Variants in FTO observed in about 807,000 individuals in gnomAD.
FTO encodes FTO alpha-ketoglutarate dependent dioxygenase.
A neutral mutation model predicts 63.9 loss-of-function variants in FTO; 47 were observed. The ratio of observed to expected loss-of-function variants is 0.74; its 90% CI spans 0.58 to 0.94. The LOEUF (loss-of-function observed/expected upper bound fraction) is 0.94, where lower values mean the gene tolerates loss of function less well. Ranked by LOEUF, FTO falls within the 40% of genes least tolerant of loss-of-function variation. The pLI is 0.00. For synonymous variants in FTO, 207 were observed against 224.4 expected, an observed-to-expected ratio of 0.92 and a Z score of 0.69; for missense variants, 562 against 618.1, an observed-to-expected ratio of 0.91 and a Z score of 0.96.
chr16:53,838,796 G>A (rs62033437), intron 3 of FTO, among the ~76,000 whole-genome samples: 34,977 of 151,808 alleles, frequency 0.23, 4,251 homozygotes, highest in Middle Eastern at 0.31. Context: ...CCAAGATCAC[G>A]ACACTGCACT....
Position 53,834,047 on chromosome 16 carries a change from C to T in FTO, c.751+7556C>T, listed in dbSNP as rs762053448. Among the ~76,000 whole-genome samples, 12 of 151,188 alleles carry T rather than the reference C, an allele frequency of 7.9e-5. No individual in the cohort carries two copies. In the South Asian group the frequency reaches 1.0e-3, roughly 13 times the overall value. On this transcript the variant is annotated intron_variant, in intron 3 of 8. Transcript: ENST00000471389. ...CTTTTTTTTTTTATTTTTTTTGAGA[C>T]GGAGTCTCGGTCTGTCACCCAGGCT...
chr16:53,909,963 G>A (rs1032557142), intron 7 of FTO, among the ~76,000 whole-genome samples: 18 of 152,028 alleles, frequency 1.2e-4, no homozygotes, highest in African/African-American at 3.9e-4. Flanking sequence ...CTGCAGCCTC[G>A]AACTCCTGGG....
chr16:54,034,211 T>G (rs2084893943), intron 8 of FTO: 1 of 152,226 alleles, frequency 6.6e-6, no homozygotes, highest in Non-Finnish European at 1.5e-5. Context: ...AACATTGATT[T>G]TCCTTTCTCT....
intron 1 of FTO, among the ~76,000 whole-genome samples, chr16:53,727,070 T>TTCTC (rs2076172304): frequency 6.6e-6 from 1 of 152,232 alleles, no homozygotes; most frequent in South Asian, 2.1e-4. Flanking sequence ...CTTTCTTTCT[T>TTCTC]TCTCTCTTTC....
intron 8 of FTO, among the ~76,000 whole-genome samples, chr16:54,093,525 G>A (rs1245137437): frequency 6.6e-6 from 1 of 152,146 alleles, no homozygotes; most frequent in Non-Finnish European, 1.5e-5. Context: ...CCGAGCTCTG[G>A]CCCAGTCCCA....
rs571529816 is a variant in FTO at position 53,938,860 on chromosome 16, C to T, written c.1364+4751C>T. Among the ~76,000 whole-genome samples the T allele has an allele frequency of 1.0e-3, 154 of 151,800 alleles. 1 individual carries two copies. The highest frequency in any genetic ancestry group is 3.4e-3 in the Middle Eastern group (1 of 292). ...ATCCCAGCACTTTGGGAGGCCTAGA[C>T]GGGCGGATCATGAGGTCAGGAGATG... On this transcript the variant is annotated intron_variant, in intron 8 of 8. Transcript: ENST00000471389.
At chr16:53,777,790 G>T (rs544319055) in intron 1 of FTO, among the ~76,000 whole-genome samples, 2 of 152,284 alleles carry the variant, frequency 1.3e-5, no homozygotes, top group East Asian at 3.9e-4. Context: ...AGCAAATATG[G>T]TCAGTTGTTT....
At chr16:53,839,116 C>T (rs1334286987) in intron 3 of FTO, among the ~76,000 whole-genome samples, 2 of 152,106 alleles carry the variant, frequency 1.3e-5, no homozygotes, top group African/African-American at 4.8e-5. Flanking sequence ...TGGCATAAAA[C>T]ATTGAATGGG....
chr16:54,048,176 A>C (rs1013082001), intron 8 of FTO, among the ~76,000 whole-genome samples: 10 of 148,150 alleles, frequency 6.7e-5, no homozygotes, highest in Non-Finnish European at 1.3e-4. Flanking sequence ...AAGGTCTAAT[A>C]AACTTCAGGT....
At chr16:53,736,313 C>A (rs1446965558) in intron 1 of FTO, among the ~76,000 whole-genome samples, 2 of 151,838 alleles carry the variant, frequency 1.3e-5, no homozygotes, top group African/African-American at 4.8e-5. Context: ...AATGCTCAAA[C>A]CTGCACGTTG....
chr16:53,839,491 C>G (rs865793564), intron 3 of FTO, among the ~76,000 whole-genome samples: 1 of 152,278 alleles, frequency 6.6e-6, no homozygotes, highest in South Asian at 2.1e-4. Flanking sequence ...GAAAAACTCT[C>G]ACCAAACTAT....
chr16:53,889,010 AC>A, intron 7 of FTO, 59 bp downstream of exon 7: 1 of 1,579,402 alleles, frequency 6.3e-7, no homozygotes, highest in Non-Finnish European at 8.7e-7. Context: ...CAAATCCTCC[AC>A]TGCCTCATTT....
intron 3 of FTO, among the ~76,000 whole-genome samples, chr16:53,837,435 G>C (rs886137016): frequency 1.3e-5 from 2 of 152,170 alleles, no homozygotes; most frequent in African/African-American, 2.4e-5. Flanking sequence ...GACTATGTTT[G>C]TCTTGAATTG....
In FTO at chr16:53,907,473, C is replaced by T. The variant is rs145567339; in HGVS notation, c.1239+18522C>T. Among the ~76,000 whole-genome samples the T allele has an allele frequency of 7.6e-3, 1,155 of 152,236 alleles. 8 individuals are homozygous for T. Among genetic ancestry groups the T allele is most frequent in the Middle Eastern group, 0.024 (7 of 294 alleles). The stretch of plus-strand genomic sequence containing the variant: ...CGTGAGAGAGTATGGGACTGTGTGT[C>T]GCTAACCTGGCCAATGATAGAAATG... On this transcript the variant is annotated intron_variant, in intron 7 of 8. Transcript: ENST00000471389.
chr16:53,774,340 G>T (rs9927087), intron 1 of FTO, among the ~76,000 whole-genome samples: 1 of 152,084 alleles, frequency 6.6e-6, no homozygotes. Context: ...AAAGCTCCAG[G>T]TAAATATAAG....
At position 54,006,277 on chromosome 16, in the gene FTO, C is replaced by T. The variant is rs141659330; in HGVS notation, c.1364+72168C>T. Among the ~76,000 whole-genome samples the T allele has an allele frequency of 4.6e-3, 702 of 152,306 alleles. 5 individuals carry two copies. The highest frequency in any genetic ancestry group is 0.016 in the African/African-American group (670 of 41,570). On this transcript the variant is annotated intron_variant, in intron 8 of 8. Transcript: ENST00000471389. ...TGAATATGAAAATCTTATGTCAAAA[C>T]TTAGCTGAAGCCTTCATCAGGCTTT...
intron 1 of FTO, among the ~76,000 whole-genome samples, chr16:53,776,422 T>C (rs2077461291): frequency 6.6e-6 from 1 of 152,198 alleles, no homozygotes; most frequent in South Asian, 2.1e-4. Context: ...GCTTTTTGTG[T>C]GTGTGAGAAG....
intron 8 of FTO, among the ~76,000 whole-genome samples, chr16:54,020,976 A>G (rs1260877947): frequency 6.6e-6 from 1 of 152,154 alleles, no homozygotes; most frequent in Non-Finnish European, 1.5e-5. Context: ...GTCTCAAAAA[A>G]AGAAAAAAAA....
chr16:53,725,114 A>C (rs923065617), intron 1 of FTO, among the ~76,000 whole-genome samples: 1 of 152,208 alleles, frequency 6.6e-6, no homozygotes, highest in Non-Finnish European at 1.5e-5. Context: ...TGATGTCTAC[A>C]GGAGTACTTC....
Sources: allele counts gnomAD v4.1 joint callset (sites outside exome capture counted in the v4.1 genomes callset), GRCh38; gene constraint gnomAD v4.1.1; transcripts MANE v1.5; gene names NCBI Gene and HGNC (gene_info 2026-07-23, HGNC 2026-07-21).